PTPRN2: variants seen among roughly 807,000 people sequenced by gnomAD.
PTPRN2 encodes receptor-type tyrosine-protein phosphatase N2.
PTPRN2 carries 74 observed loss-of-function variants against 118.8 expected under a neutral mutation model. That is an observed-to-expected ratio of 0.62 (90% CI 0.52 to 0.76). The LOEUF (loss-of-function observed/expected upper bound fraction) is 0.76. Ranked by LOEUF, PTPRN2 falls within the 30% of genes least tolerant of loss-of-function variation. The pLI is 0.00. For missense variants in PTPRN2, 1,481 were observed against 1,394.4 expected (o/e 1.06, Z -0.99); for synonymous variants, 641 against 608.0 (o/e 1.05, Z -0.80).
intron 22 of PTPRN2, among the ~76,000 whole-genome samples, chr7:157,544,922 G>A (rs1798207862): frequency 6.7e-6 from 1 of 148,296 alleles, no homozygotes; most frequent in African/African-American, 2.5e-5. Flanking sequence ...AGCAGTGCAG[G>A]TGTGCATGGG....
chr7:158,248,944 A>G (rs1038169741), intron 3 of PTPRN2, among the ~76,000 whole-genome samples: 1 of 151,512 alleles, frequency 6.6e-6, no homozygotes, highest in South Asian at 2.1e-4. Flanking sequence ...ACACACATGC[A>G]CCCACATCAC....
At chr7:158,359,639 T>C (rs1358970235) in intron 2 of PTPRN2, among the ~76,000 whole-genome samples, 1 of 152,188 alleles carries the variant, frequency 6.6e-6, no homozygotes, top group Non-Finnish European at 1.5e-5. Flanking sequence ...TCATCATTAA[T>C]TACTGCACCG....
At chr7:158,527,505 T>C (rs963581479) in intron 1 of PTPRN2, among the ~76,000 whole-genome samples, 2 of 152,214 alleles carry the variant, frequency 1.3e-5, no homozygotes, top group African/African-American at 4.8e-5. Flanking sequence ...GGCCATGGGC[T>C]GGCCTCTCCA....
At chr7:157,722,598 C>T (rs1175484372) in intron 12 of PTPRN2, among the ~76,000 whole-genome samples, 1 of 152,324 alleles carries the variant, frequency 6.6e-6, no homozygotes, top group East Asian at 1.9e-4. Flanking sequence ...GAAGCAACTC[C>T]TGCGTGGCCC....
intron 21 of PTPRN2, among the ~76,000 whole-genome samples, chr7:157,552,552 C>T (rs923847912): frequency 6.6e-6 from 1 of 152,160 alleles, no homozygotes; most frequent in Non-Finnish European, 1.5e-5. Context: ...CTCACACCCA[C>T]GTTTAGAGCA....
chr7:157,768,162 T>A (rs1219381880), intron 12 of PTPRN2, among the ~76,000 whole-genome samples: 12 of 152,212 alleles, frequency 7.9e-5, no homozygotes, highest in Non-Finnish European at 1.6e-4. Context: ...AAAAAAAGAT[T>A]TCACTAACAA....
At chr7:158,133,082 T>C (rs958846680) in intron 9 of PTPRN2, among the ~76,000 whole-genome samples, 2 of 152,184 alleles carry the variant, frequency 1.3e-5, no homozygotes, top group Non-Finnish European at 2.9e-5. Flanking sequence ...ACTCGTTAAG[T>C]TCAGATCGAC....
chr7:158,144,175 T>A (rs1819658615), intron 6 of PTPRN2, among the ~76,000 whole-genome samples: 1 of 152,234 alleles, frequency 6.6e-6, no homozygotes, highest in Non-Finnish European at 1.5e-5. Context: ...GAAGGTTAAA[T>A]GTTCTCGAAT....
intron 12 of PTPRN2, among the ~76,000 whole-genome samples, chr7:157,887,776 T>TC: frequency 3.9e-5 from 1 of 25,404 alleles, no homozygotes; most frequent in Admixed American, 5.5e-4. Context: ...CAGTACCTGC[T>TC]CCCCCAGTAC....
chr7:157,768,248 G>A (rs184696469), intron 12 of PTPRN2, among the ~76,000 whole-genome samples: 1 of 152,356 alleles, frequency 6.6e-6, no homozygotes, highest in Non-Finnish European at 1.5e-5. Flanking sequence ...GAGATGCAGA[G>A]AGAGTGAGGC....
At position 157,974,705 on chromosome 7, in the gene PTPRN2, GAC is replaced by G. The variant is rs1489575725; in HGVS notation, c.1724-75970_1724-75969del. ...TGGGGTGGGCAGGGCTCCATGGGAA[GAC>G]ACAGGTAGCGGGTCAGGTGCTGGGG... On this transcript the variant is annotated intron_variant, in intron 11 of 22. Transcript: ENST00000389418. The surrounding 1 kb of genome is among the most constrained non-coding windows in gnomAD (Gnocchi z 4.0). 6.6e-6 allele frequency among the ~76,000 whole-genome samples: 1 copy of G among 151,976 alleles called. No homozygotes were observed. The highest frequency in any genetic ancestry group is 1.5e-5 in the Non-Finnish European group (1 of 67,980).
At position 158,393,064 on chromosome 7, in the gene PTPRN2, G is replaced by A. The variant is rs7790710; in HGVS notation, c.164-76132C>T. ...CCTGTGCCTGCTGCAGAGAAGGAAG[G>A]GGAGTCCTTTCCAGGGGCCTCTGCA... On this transcript the variant is annotated intron_variant, in intron 2 of 22. Coordinates refer to ENST00000389418, the MANE Select transcript of PTPRN2 (RefSeq NM_002847.5). Among the ~76,000 whole-genome samples, 1,166 of 152,158 alleles carry A rather than the reference G, an allele frequency of 7.7e-3. 21 individuals carry two copies. The highest frequency in any genetic ancestry group is 0.026 in the African/African-American group (1,092 of 41,500).
At chr7:158,335,034 C>G (rs1454562892) in intron 2 of PTPRN2, among the ~76,000 whole-genome samples, 1 of 11,264 alleles carries the variant, frequency 8.9e-5, no homozygotes, top group Non-Finnish European at 2.8e-4. Flanking sequence ...CACCCGCAGA[C>G]GTCACTCACA....
At chr7:157,728,875 A>G (rs1362219) in intron 12 of PTPRN2, among the ~76,000 whole-genome samples, 110,743 of 152,136 alleles carry the variant, frequency 0.73, 41,121 homozygotes, top group African/African-American at 0.87. Context: ...CCCAGGCATG[A>G]AGAACTCTTT....
chr7:158,034,521 C>CT (rs1381614123), intron 11 of PTPRN2, among the ~76,000 whole-genome samples: 5 of 151,986 alleles, frequency 3.3e-5, no homozygotes, highest in East Asian at 3.9e-4. Flanking sequence ...TAAGACGGGA[C>CT]TTGCTCCTCC....
chr7:158,271,726 G>A (rs572983713), intron 3 of PTPRN2, among the ~76,000 whole-genome samples: 35 of 152,260 alleles, frequency 2.3e-4, no homozygotes, highest in East Asian at 1.4e-3. Flanking sequence ...CCACAGATTC[G>A]GTGTCGGTGA....
At chr7:157,873,085 A>G (rs990785100) in intron 12 of PTPRN2, among the ~76,000 whole-genome samples, 2 of 152,178 alleles carry the variant, frequency 1.3e-5, no homozygotes, top group African/African-American at 2.4e-5. Context: ...CCCTCACCCG[A>G]GCCCTGTCTC....
At chr7:158,057,490 T>C (rs886608525) in intron 11 of PTPRN2, among the ~76,000 whole-genome samples, 3 of 152,234 alleles carry the variant, frequency 2.0e-5, no homozygotes, top group East Asian at 1.9e-4. Context: ...GAATAGCCTC[T>C]GCAGTCTCAC....
chr7:157,752,919 T>A, intron 12 of PTPRN2, among the ~76,000 whole-genome samples: 2 of 151,554 alleles, frequency 1.3e-5, no homozygotes, highest in South Asian at 4.1e-4. Context: ...ATGACAAACA[T>A]CTGGCAGCAC....
Sources: allele counts gnomAD v4.1 joint callset (sites outside exome capture counted in the v4.1 genomes callset), GRCh38; gene constraint gnomAD v4.1.1; non-coding constraint Gnocchi (gnomAD v3.1); transcripts MANE v1.5; gene names NCBI Gene and HGNC (gene_info 2026-07-23, HGNC 2026-07-21).